The following RGS7 variants were observed in gnomAD, a reference collection of about 807,000 sequenced individuals.
The protein encoded by RGS7 is regulator of G protein signaling 7.
Under a neutral mutation model 81.1 loss-of-function variants are expected in RGS7, and 27 were observed. That is an observed-to-expected ratio of 0.33 (90% CI 0.25 to 0.46). The LOEUF (loss-of-function observed/expected upper bound fraction) is 0.46. Ranked by LOEUF, RGS7 falls within the 20% of genes least tolerant of loss-of-function variation. The pLI is 1.00. For missense variants in RGS7, 396 were observed against 607.4 expected, an observed-to-expected ratio of 0.65 and a Z score of 3.66; for synonymous variants, 208 against 207.7, an observed-to-expected ratio of 1.00 and a Z score of -0.01.
chr1:240,813,822 A>G (rs1690313353), intron 12 of RGS7, 94 bp from the exon 13 acceptor site: 15 of 794,616 alleles, frequency 1.9e-5, no homozygotes, highest in Middle Eastern at 2.6e-4. Flanking sequence ...TGTGGGACCA[A>G]GGAATCCTTG....
intron 2 of RGS7, among the ~76,000 whole-genome samples, chr1:241,218,517 TC>T (rs2074707014): frequency 6.6e-6 from 1 of 152,246 alleles, no homozygotes; most frequent in South Asian, 2.1e-4. Context: ...GAAATGGCTC[TC>T]ACACTTGAGC....
intron 2 of RGS7, among the ~76,000 whole-genome samples, chr1:241,148,279 G>A (rs2068500149): frequency 6.6e-6 from 1 of 151,874 alleles, no homozygotes; most frequent in Admixed American, 6.6e-5. Context: ...TTGAACTACT[G>A]ACCTCAAGTG....
intron 4 of RGS7, among the ~76,000 whole-genome samples, chr1:240,956,170 A>T (rs2447693): frequency 6.6e-6 from 1 of 152,064 alleles, no homozygotes; most frequent in Admixed American, 6.5e-5. Flanking sequence ...TGATGCACAC[A>T]CTCTCTACCT....
intron 2 of RGS7, among the ~76,000 whole-genome samples, chr1:241,149,320 C>T (rs1182499807): frequency 6.6e-6 from 1 of 152,176 alleles, no homozygotes; most frequent in Non-Finnish European, 1.5e-5. Flanking sequence ...GCATGTGCCA[C>T]CACGCCCAGA....
At chr1:240,952,204 A>G (rs1679677925) in intron 4 of RGS7, among the ~76,000 whole-genome samples, 1 of 152,104 alleles carries the variant, frequency 6.6e-6, no homozygotes, top group Non-Finnish European at 1.5e-5. Context: ...AAGAAAGAAC[A>G]TCAGGGAAGA....
At chr1:241,338,428 A>C (rs927148092) in intron 2 of RGS7, among the ~76,000 whole-genome samples, 14 of 152,156 alleles carry the variant, frequency 9.2e-5, no homozygotes, top group Non-Finnish European at 2.9e-5. Context: ...AAGCAAGCAA[A>C]GACATTACAA....
intron 3 of RGS7, among the ~76,000 whole-genome samples, chr1:241,064,354 G>C (rs2061931110): frequency 6.6e-6 from 1 of 151,342 alleles, no homozygotes; most frequent in Non-Finnish European, 1.5e-5. Flanking sequence ...GGGAGGCCGA[G>C]GTGGGAGGAT....
intron 3 of RGS7, among the ~76,000 whole-genome samples, chr1:240,989,489 A>G (rs1218584115): frequency 6.6e-6 from 1 of 151,756 alleles, no homozygotes. Flanking sequence ...GACAGCACCC[A>G]ATCTAGAGCA....
At chr1:240,954,071 A>C (rs923468700) in intron 4 of RGS7, among the ~76,000 whole-genome samples, 8 of 152,088 alleles carry the variant, frequency 5.3e-5, no homozygotes, top group Non-Finnish European at 8.8e-5. Context: ...GGTAGCCTGA[A>C]TAGCTCTATT....
chr1:241,277,151 C>A (rs1289981080), intron 2 of RGS7, among the ~76,000 whole-genome samples: 1 of 152,184 alleles, frequency 6.6e-6, no homozygotes, highest in East Asian at 1.9e-4. Flanking sequence ...ATGCATTGCT[C>A]CAATTTCTTC....
intron 2 of RGS7, among the ~76,000 whole-genome samples, chr1:241,119,360 ATGC>A (rs752942089): frequency 3.9e-5 from 6 of 152,222 alleles, no homozygotes; most frequent in Non-Finnish European, 8.8e-5. Context: ...TGCACAGAAA[ATGC>A]TTTGAATAGG....
intron 2 of RGS7, among the ~76,000 whole-genome samples, chr1:241,110,197 C>T (rs1366362899): frequency 6.6e-6 from 1 of 152,066 alleles, no homozygotes; most frequent in Non-Finnish European, 1.5e-5. Context: ...AGTTAATGAA[C>T]GAAATTGTTT....
chr1:240,869,874 A>G (rs1426446095), intron 7 of RGS7, among the ~76,000 whole-genome samples, 181 bp downstream of exon 7: 1 of 152,202 alleles, frequency 6.6e-6, no homozygotes, highest in Non-Finnish European at 1.5e-5. Context: ...TGGGAGGCAG[A>G]GGTTGCAGTG....
rs143317473 is a variant in RGS7 at position 241,211,313 on chromosome 1, T to C, written c.79-112551A>G. Among the ~76,000 whole-genome samples, 80 of 152,154 alleles carry C rather than the reference T, an allele frequency of 5.3e-4. 2 individuals carry two copies. The East Asian group carries it at 0.014, about 27-fold the overall frequency. On this transcript the variant is annotated intron_variant, in intron 2 of 18. Transcript: ENST00000440928. ...TGCCCACCCAGACTCCATCATGAAA[T>C]GAAAGGCAGGCATAGCACAATATTA...
At chr1:240,945,422 TA>T (rs1678441414) in intron 4 of RGS7, among the ~76,000 whole-genome samples, 1 of 152,232 alleles carries the variant, frequency 6.6e-6, no homozygotes, top group African/African-American at 2.4e-5. Flanking sequence ...AAACTAGTTG[TA>T]AAAACGCACA....
chr1:240,780,153 A>C (rs530509181), intron 18 of RGS7, among the ~76,000 whole-genome samples: 1 of 152,330 alleles, frequency 6.6e-6, no homozygotes, highest in African/African-American at 2.4e-5. Context: ...TATATTTAAA[A>C]AGTGCTTACT....
At chr1:240,858,386 A>C (rs1661542213) in intron 9 of RGS7, among the ~76,000 whole-genome samples, 1 of 152,228 alleles carries the variant, frequency 6.6e-6, no homozygotes, top group South Asian at 2.1e-4. Flanking sequence ...GATGTTCCAC[A>C]TCCTCACCAG....
chr1:241,028,037 G>A (rs560139559), intron 3 of RGS7, among the ~76,000 whole-genome samples: 1 of 152,198 alleles, frequency 6.6e-6, no homozygotes, highest in Non-Finnish European at 1.5e-5. Flanking sequence ...ACGTGTATCA[G>A]CTCTATGAGC....
rs1685744768 is a variant in RGS7 at position 240,986,845 on chromosome 1, G to GAA, written c.176-3717_176-3716insTT. Among the ~76,000 whole-genome samples, 4 of 1,378 alleles carry GAA rather than the reference G, an allele frequency of 2.9e-3. 1 individual carries two copies. Among genetic ancestry groups the GAA allele is most frequent in the Non-Finnish European group, 2.8e-3 (2 of 718 alleles). The allele number at this position is 1,378 out of a possible 152,430, so 0.9% of individuals were successfully genotyped here. On this transcript the variant is annotated intron_variant, in intron 3 of 18. Transcript: ENST00000440928. ...GATCCGCCCGCCTCGGCCTCCCAAA[G>GAA]TGCTGGGATTACAGGCGTGAGCCAC... is the stretch of plus-strand genomic sequence containing the variant.
Sources: allele counts gnomAD v4.1 joint callset (sites outside exome capture counted in the v4.1 genomes callset), GRCh38; gene constraint gnomAD v4.1.1; transcripts MANE v1.5; gene names NCBI Gene and HGNC (gene_info 2026-07-23, HGNC 2026-07-21).